MME: variants seen among roughly 807,000 people sequenced by gnomAD.
MME encodes neprilysin.
MME carries 98 observed loss-of-function variants against 113.2 expected under a neutral mutation model. The ratio of observed to expected loss-of-function variants is 0.87; its 90% confidence interval spans 0.74 to 1.02. The LOEUF (loss-of-function observed/expected upper bound fraction) is 1.02. Among genes scored for constraint, MME ranks in the 50% least tolerant of loss-of-function variants. The probability of loss-of-function intolerance (pLI) is 0.00; values close to 1 mark genes in which losing one functional copy is unlikely to be tolerated. For synonymous variants in MME, 292 were observed against 300.6 expected, an observed-to-expected ratio of 0.97 and a Z score of 0.30; for missense variants, 836 against 896.0, an observed-to-expected ratio of 0.93 and a Z score of 0.86.
chr3:155,154,795 T>C (rs1301701887), intron 16 of MME, among the ~76,000 whole-genome samples: 5 of 152,302 alleles, frequency 3.3e-5, no homozygotes, highest in African/African-American at 1.2e-4. Flanking sequence ...CAGTGGAAAG[T>C]TGATAGTCTC....
chr3:155,126,671 TG>T (rs1719684441), intron 8 of MME, among the ~76,000 whole-genome samples: 1 of 152,154 alleles, frequency 6.6e-6, no homozygotes, highest in Admixed American at 6.5e-5. Flanking sequence ...TGGCAGCAAT[TG>T]ACCAGAGTGG....
At chr3:155,063,681 T>C (rs975504542) in intron 1 of MME, among the ~76,000 whole-genome samples, 38 of 128,138 alleles carry the variant, frequency 3.0e-4, no homozygotes, top group South Asian at 1.1e-3. Context: ...TATTATATTA[T>C]ATTATATTAT....
chr3:155,138,664 C>T (rs1181638954), intron 9 of MME, among the ~76,000 whole-genome samples: 2 of 152,082 alleles, frequency 1.3e-5, no homozygotes, highest in Non-Finnish European at 2.9e-5. Flanking sequence ...AGTATTAACC[C>T]CTGAACATAG....
intron 1 of MME, among the ~76,000 whole-genome samples, chr3:155,055,708 GA>G (rs1341687393): frequency 2.4e-4 from 36 of 152,148 alleles, no homozygotes; most frequent in Admixed American, 2.3e-3. Flanking sequence ...GGGAGAGATG[GA>G]TAATGACTAG....
intron 16 of MME, among the ~76,000 whole-genome samples, chr3:155,154,981 C>T (rs1722211300): frequency 6.6e-6 from 1 of 152,150 alleles, no homozygotes; most frequent in Admixed American, 6.5e-5. Context: ...GCCATGGCAT[C>T]CTCATGTTTT....
chr3:155,160,932 G>A (rs1020582813), intron 17 of MME, among the ~76,000 whole-genome samples: 1 of 151,966 alleles, frequency 6.6e-6, no homozygotes, highest in African/African-American at 2.4e-5. Context: ...AAGGCTCCAA[G>A]GGGTTTAGAA....
chr3:155,115,154 A>T lies in MME; in HGVS notation c.357A>T (p.Lys119Asn). 1 of 1,613,948 alleles carries T rather than the reference A, an allele frequency of 6.2e-7. No individual in the cohort carries two copies. The highest frequency in any genetic ancestry group is 8.5e-7 in the Non-Finnish European group (1 of 1,179,902). ...GAGATGAACTAGAAGTCGTTTTGAAAGGTTAGTAGAGATTGTGTCTGTGCA... is the reference window on the plus strand; with the variant it reads ...GAGATGAACTAGAAGTCGTTTTGAATGGTTAGTAGAGATTGTGTCTGTGCA... Reference protein sequence around the residue: ...ILRDELEVVLKDVLQEPKTED... With the variant: ...ILRDELEVVLNDVLQEPKTED... The change falls in exon 4 of 23, where the codon AAA (lysine) becomes AAT (asparagine). Residue 119 changes from lysine to asparagine, a missense_variant and splice_region_variant. Transcript: ENST00000360490.
At chr3:155,128,578 CT>C (rs1719879801) in intron 8 of MME, among the ~76,000 whole-genome samples, 1 of 151,568 alleles carries the variant, frequency 6.6e-6, no homozygotes, top group Admixed American at 6.6e-5. Context: ...ATGCTTTTCC[CT>C]TTGCCTAGAA....
intron 9 of MME, 150 bp downstream of exon 9, chr3:155,138,386 G>T: frequency 1.3e-6 from 1 of 753,858 alleles, no homozygotes; most frequent in Non-Finnish European, 2.1e-6. Context: ...ACTTCAAAAG[G>T]ACCTTTGAAA....
At position 155,168,618 on chromosome 3, in the gene MME, G is replaced by A. The variant is rs1416454631; in HGVS notation, c.1907G>A (p.Gly636Glu). 2.5e-6 allele frequency: 4 copies of A among 1,613,814 alleles called. No individual in the cohort carries two copies. Among genetic ancestry groups the A allele is most frequent in the Non-Finnish European group, 3.4e-6 (4 of 1,179,834 alleles). Residue 636 changes from glycine (G) to glutamate (E), a missense_variant, in exon 19 of 23, where the codon GGA becomes GAA. Transcript: ENST00000360490. ...YGNFSWDLAG[G>E]QHLNGINTLG... Reference sequence around the variant, plus strand: ...AACTTTTCCTGGGACCTGGCAGGTGGACAGCACGTATGTCATTAGCATTCT... The same window carrying A: ...AACTTTTCCTGGGACCTGGCAGGTGAACAGCACGTATGTCATTAGCATTCT...
chr3:155,141,366 G>A (rs927048580), intron 10 of MME, among the ~76,000 whole-genome samples: 1 of 152,148 alleles, frequency 6.6e-6, no homozygotes, highest in Admixed American at 6.6e-5. Context: ...TACAACCTAA[G>A]ATATTGATAG....
At chr3:155,163,479 A>G (rs933556987) in intron 17 of MME, among the ~76,000 whole-genome samples, 21 of 152,324 alleles carry the variant, frequency 1.4e-4, no homozygotes, top group African/African-American at 5.0e-4. Flanking sequence ...TCTTCCTTGC[A>G]TGTTTACTTC....
chr3:155,093,050 G>A (rs1275138694), intron 3 of MME, among the ~76,000 whole-genome samples: 4 of 119,916 alleles, frequency 3.3e-5, no homozygotes, highest in East Asian at 4.2e-4. Context: ...ACCCAAAGCC[G>A]TTAAAAAAAA....
upstream of MME, chr3:155,079,634 G>A (rs947370171): frequency 7.1e-6 from 1 of 140,334 alleles, no homozygotes; most frequent in African/African-American, 2.5e-5. Context: ...AGGGGGTGGG[G>A]GGGGTGGGCC....
At chr3:155,162,941 A>C (rs1244867373) in intron 17 of MME, among the ~76,000 whole-genome samples, 1 of 148,888 alleles carries the variant, frequency 6.7e-6, no homozygotes, top group East Asian at 2.0e-4. Flanking sequence ...TGAACCCAGG[A>C]GGCAGAGGTT....
At chr3:155,091,314 A>G (rs1377948765) in intron 3 of MME, among the ~76,000 whole-genome samples, 4 of 152,232 alleles carry the variant, frequency 2.6e-5, no homozygotes, top group African/African-American at 9.6e-5. Flanking sequence ...GTTATATCAT[A>G]AATACACAAA....
intron 1 of MME, among the ~76,000 whole-genome samples, chr3:155,042,915 T>TATAC (rs1553749772): frequency 2.2e-5 from 1 of 45,382 alleles, no homozygotes; most frequent in South Asian, 7.7e-4. Context: ...TATATATATA[T>TATAC]ATATATATAT....
intron 3 of MME, among the ~76,000 whole-genome samples, chr3:155,099,914 A>T (rs1421310590): frequency 6.6e-6 from 1 of 152,230 alleles, no homozygotes; most frequent in African/African-American, 2.4e-5. Flanking sequence ...GTATATACCC[A>T]GTAATGGGAT....
chr3:155,109,332 C>T (rs764149788), intron 3 of MME, among the ~76,000 whole-genome samples: 6 of 151,974 alleles, frequency 3.9e-5, no homozygotes, highest in African/African-American at 1.2e-4. Context: ...CAGCACCCAG[C>T]GGGAACTGGA....
Sources: gnomAD v4.1 joint callset for allele counts (sites outside exome capture counted in the v4.1 genomes callset) on GRCh38, gnomAD v4.1.1 for gene constraint, MANE v1.5 for transcripts, NCBI Gene and HGNC (gene_info 2026-07-23, HGNC 2026-07-21) for gene names.